Variants in CLASP1 observed in about 807,000 individuals in gnomAD.
CLASP1 encodes the protein CLIP-associating protein 1.
A neutral mutation model predicts 192.3 loss-of-function variants in CLASP1; 38 were observed. The ratio of observed to expected loss-of-function variants is 0.20; its 90% CI spans 0.15 to 0.26. The LOEUF (loss-of-function observed/expected upper bound fraction) is 0.26. Among genes scored for constraint, CLASP1 ranks in the 10% least tolerant of loss-of-function variants. The probability of loss-of-function intolerance (pLI) is 1.00; values close to 1 mark genes in which losing one functional copy is unlikely to be tolerated. For missense variants in CLASP1, 1,433 were observed against 1,932.5 expected, an observed-to-expected ratio of 0.74 and a Z score of 4.85; for synonymous variants, 691 against 712.8, an observed-to-expected ratio of 0.97 and a Z score of 0.49.
chr2:121,366,939 C>T (rs1186901301), intron 35 of CLASP1, among the ~76,000 whole-genome samples: 1 of 152,244 alleles, frequency 6.6e-6, no homozygotes, highest in Admixed American at 6.5e-5. Flanking sequence ...ACTAGCTCTG[C>T]TTCTGCTCCC....
chr2:121,418,583 G>A, intron 23 of CLASP1, 39 bp downstream of exon 23: 1 of 1,405,106 alleles, frequency 7.1e-7, no homozygotes, highest in Non-Finnish European at 1.0e-6. Flanking sequence ...GCAGGGAAAG[G>A]AACTCTTTGC....
At chr2:121,445,498 T>C in intron 19 of CLASP1, 2 of 1,288,662 alleles carry the variant, frequency 1.6e-6, no homozygotes, top group Non-Finnish European at 2.0e-6. Context: ...GTCTGGACTC[T>C]AGAAGTTTGG....
intron 8 of CLASP1, among the ~76,000 whole-genome samples, chr2:121,474,136 T>C (rs1575210983): frequency 1.3e-5 from 2 of 152,242 alleles, no homozygotes; most frequent in East Asian, 3.9e-4. Context: ...AAAGCAAAAA[T>C]ATTTAGCTTT....
intron 8 of CLASP1, chr2:121,470,181 T>A: frequency 1.6e-6 from 1 of 616,028 alleles, no homozygotes; most frequent in Non-Finnish European, 3.0e-6. Flanking sequence ...AGAATACTTT[T>A]GCACTCAAAT....
intron 37 of CLASP1, among the ~76,000 whole-genome samples, chr2:121,352,690 TATCATTCAGGCTGGA>T (rs2064712703): frequency 1.3e-5 from 2 of 152,194 alleles, no homozygotes; most frequent in African/African-American, 4.8e-5. Context: ...AGTCTCACTC[TATCATTCAGGCTGGA>T]GTGCAATAGA....
At chr2:121,582,348 A>G (rs1576215039) in intron 2 of CLASP1, among the ~76,000 whole-genome samples, 1 of 148,070 alleles carries the variant, frequency 6.8e-6, no homozygotes. Context: ...AAAGAGGAGG[A>G]GAGAGAGAGA....
chr2:121,524,771 T>C (rs2094535469), intron 6 of CLASP1, among the ~76,000 whole-genome samples: 1 of 152,096 alleles, frequency 6.6e-6, no homozygotes, highest in Non-Finnish European at 1.5e-5. Context: ...ATGCTATATA[T>C]TTTCAACAAA....
intron 2 of CLASP1, among the ~76,000 whole-genome samples, chr2:121,541,767 T>C (rs766511171): frequency 2.2e-4 from 34 of 152,144 alleles, no homozygotes; most frequent in Non-Finnish European, 4.1e-4. Context: ...AAATGCTCAC[T>C]CAATAAAACC....
intron 2 of CLASP1, among the ~76,000 whole-genome samples, chr2:121,568,056 A>G (rs1208273041): frequency 3.3e-5 from 5 of 152,228 alleles, no homozygotes; most frequent in Non-Finnish European, 7.3e-5. Flanking sequence ...ATGTCATCAG[A>G]GTATCCAGTT....
chr2:121,363,062 C>T, intron 37 of CLASP1, 110 bp downstream of exon 38: 1 of 1,386,744 alleles, frequency 7.2e-7, no homozygotes. Context: ...GGCTGAGTTC[C>T]AAGGAAGGGG....
chr2:121,402,118 T>C (rs12614362), intron 26 of CLASP1, among the ~76,000 whole-genome samples: 28,592 of 152,162 alleles, frequency 0.19, 4,808 homozygotes, highest in African/African-American at 0.45. Flanking sequence ...CCTAATTCTA[T>C]AGTATTCTTA....
At chr2:121,474,272 C>A (rs529396126) in intron 8 of CLASP1, among the ~76,000 whole-genome samples, 1 of 152,164 alleles carries the variant, frequency 6.6e-6, no homozygotes, top group African/African-American at 2.4e-5. Flanking sequence ...ACAGGGAAGG[C>A]ATGAAGAAAA....
intron 12 of CLASP1, 62 bp from the exon 13 acceptor site, chr2:121,459,037 A>G (rs1485473488): frequency 8.0e-7 from 1 of 1,257,274 alleles, no homozygotes; most frequent in Admixed American, 2.5e-5. Flanking sequence ...AAGCATATAA[A>G]CCACTTAACA....
At chr2:121,362,167 T>C (rs910813556) in intron 37 of CLASP1, among the ~76,000 whole-genome samples, 5 of 152,274 alleles carry the variant, frequency 3.3e-5, no homozygotes, top group African/African-American at 1.2e-4. Context: ...CAAGTTGTTA[T>C]GTCTCACTCT....
intron 28 of CLASP1, among the ~76,000 whole-genome samples, chr2:121,398,805 C>G (rs575814408): frequency 6.6e-6 from 1 of 152,290 alleles, no homozygotes; most frequent in Admixed American, 6.5e-5. Context: ...ACAGCTGACC[C>G]TGCTTAAACT....
intron 19 of CLASP1, among the ~76,000 whole-genome samples, chr2:121,436,779 C>G (rs918406165): frequency 1.3e-5 from 2 of 152,114 alleles, no homozygotes; most frequent in African/African-American, 2.4e-5. Flanking sequence ...CTGCCCCATT[C>G]TCCCTCTTCT....
chr2:121,510,708 C>T (rs186473708), intron 7 of CLASP1, among the ~76,000 whole-genome samples: 48 of 151,510 alleles, frequency 3.2e-4, no homozygotes, highest in Admixed American at 1.4e-3. Context: ...CGAGATGGAG[C>T]GATTACTTGA....
intron 1 of CLASP1, among the ~76,000 whole-genome samples, chr2:121,646,343 T>G (rs2073179294): frequency 6.6e-6 from 1 of 152,114 alleles, no homozygotes; most frequent in Non-Finnish European, 1.5e-5. Flanking sequence ...TCAAACTCCA[T>G]GCAACCCGCC....
intron 14 of CLASP1, among the ~76,000 whole-genome samples, chr2:121,455,605 G>A (rs945836586): frequency 2.0e-5 from 3 of 152,132 alleles, no homozygotes; most frequent in Non-Finnish European, 2.9e-5. Context: ...CAAAAAAGTC[G>A]ACTCAGGCTT....
Sources: allele counts gnomAD v4.1 joint callset (sites outside exome capture counted in the v4.1 genomes callset), GRCh38; gene constraint gnomAD v4.1.1; transcripts MANE v1.5; gene names NCBI Gene and HGNC (gene_info 2026-07-23, HGNC 2026-07-21).